ARHGEF3: variants seen among roughly 807,000 people sequenced by gnomAD.
The protein encoded by ARHGEF3 is 59.8 kDA protein.
In ARHGEF3, 28 loss-of-function variants were observed where a neutral mutation model predicts 63.2. The observed-to-expected ratio is 0.44, with a 90% CI of 0.33 to 0.61. The LOEUF is 0.61. Ranked by LOEUF, ARHGEF3 falls within the 20% of genes least tolerant of loss-of-function variation. ARHGEF3 has a pLI of 0.03. For missense variants in ARHGEF3, 533 were observed against 659.3 expected (o/e 0.81, Z 2.10); for synonymous variants, 266 against 254.2 (o/e 1.05, Z -0.44).
chr3:56,968,197 A>AATATATATATAAAT (rs1218725990), intron 2 of ARHGEF3, among the ~76,000 whole-genome samples: 1 of 16,002 alleles, frequency 6.2e-5, no homozygotes, highest in Non-Finnish European at 1.4e-4. Context: ...TATTATATAT[A>AATATATATATAAAT]ATATATAAAA....
At chr3:56,929,234 G>A (rs1560058779) in intron 3 of ARHGEF3, among the ~76,000 whole-genome samples, 1 of 152,272 alleles carries the variant, frequency 6.6e-6, no homozygotes, top group Admixed American at 6.5e-5. Context: ...ACTACAGAAG[G>A]ATTTGCACTA....
At chr3:56,908,447 G>A (rs2041763238) in intron 3 of ARHGEF3, among the ~76,000 whole-genome samples, 1 of 152,194 alleles carries the variant, frequency 6.6e-6, no homozygotes, top group South Asian at 2.1e-4. Context: ...GAGTGGAAAG[G>A]GGAGATCCAG....
intron 3 of ARHGEF3, among the ~76,000 whole-genome samples, chr3:56,936,736 T>C (rs1052361973): frequency 6.6e-6 from 1 of 152,206 alleles, no homozygotes; most frequent in Non-Finnish European, 1.5e-5. Context: ...ATGGGTTTTT[T>C]TGAGACAGGG....
chr3:56,733,847 G>A (rs1037108830), intron 8 of ARHGEF3, among the ~76,000 whole-genome samples: 15 of 151,880 alleles, frequency 9.9e-5, no homozygotes, highest in Admixed American at 2.0e-4. Flanking sequence ...AGCGAGGCGC[G>A]GTGGCAGGCG....
intron 4 of ARHGEF3, among the ~76,000 whole-genome samples, chr3:56,827,895 T>C (rs2108062098): frequency 8.0e-6 from 1 of 125,018 alleles, no homozygotes; most frequent in East Asian, 2.3e-4. Context: ...CACTGAGCCA[T>C]GATCATGCCA....
At chr3:57,053,067 C>T (rs1233364693) in intron 1 of ARHGEF3, among the ~76,000 whole-genome samples, 2 of 152,336 alleles carry the variant, frequency 1.3e-5, no homozygotes, top group South Asian at 2.1e-4. Context: ...ATTTAATCCT[C>T]GGCTTCATGC....
chr3:56,844,047 C>A (rs2039404734), intron 4 of ARHGEF3, among the ~76,000 whole-genome samples: 1 of 152,166 alleles, frequency 6.6e-6, no homozygotes, highest in African/African-American at 2.4e-5. Context: ...AGGTCACTGG[C>A]AAGATTCTGT....
chr3:56,971,473 T>C (rs1700908694), intron 2 of ARHGEF3, among the ~76,000 whole-genome samples: 1 of 152,134 alleles, frequency 6.6e-6, no homozygotes, highest in African/African-American at 2.4e-5. Flanking sequence ...ATGAACAGCA[T>C]TGAAGAGGAT....
At chr3:56,747,053 GCA>G (rs1380548546) in intron 6 of ARHGEF3, among the ~76,000 whole-genome samples, 235 of 131,498 alleles carry the variant, frequency 1.8e-3, no homozygotes, top group East Asian at 7.3e-3. Context: ...ATACATGCGC[GCA>G]CACACACACA....
At chr3:56,822,405 T>C (rs1051596492) in intron 4 of ARHGEF3, among the ~76,000 whole-genome samples, 1 of 152,142 alleles carries the variant, frequency 6.6e-6, no homozygotes, top group Non-Finnish European at 1.5e-5. Flanking sequence ...ATCCACTGCA[T>C]GAACACTGCA....
chr3:56,976,991 C>T (rs1701148879), intron 2 of ARHGEF3, among the ~76,000 whole-genome samples: 1 of 151,858 alleles, frequency 6.6e-6, no homozygotes, highest in African/African-American at 2.4e-5. Context: ...TATTTTCATA[C>T]TACTACTACT....
intron 1 of ARHGEF3, among the ~76,000 whole-genome samples, chr3:57,049,945 G>A (rs1457821713): frequency 6.6e-6 from 1 of 152,192 alleles, no homozygotes; most frequent in East Asian, 1.9e-4. Context: ...AGCAACAACT[G>A]CAGGGGCTGG....
chr3:56,861,121 G>A (rs2040058350), intron 4 of ARHGEF3, among the ~76,000 whole-genome samples: 1 of 152,234 alleles, frequency 6.6e-6, no homozygotes, highest in African/African-American at 2.4e-5. Context: ...TGTAAGACAA[G>A]TGTGATGATA....
chr3:56,921,812 G>A (rs542850068), intron 3 of ARHGEF3, among the ~76,000 whole-genome samples: 84 of 152,198 alleles, frequency 5.5e-4, no homozygotes, highest in Non-Finnish European at 8.8e-4. Context: ...AGCAGACCTG[G>A]CTGCTCAAGG....
In ARHGEF3 at chr3:56,737,315, T is replaced by C; in HGVS notation, c.911A>G (p.Lys304Arg). ...ATAGCGGCATTCAGATTCACCAGTC[T>C]TGGTGTTGATTTCTGCCACAATTCC... ...IQGIVAEINT[K>R]TGESECRYYK... Residue 304 changes from lysine (K) to arginine (R), a missense_variant, in exon 8 of 10, where the codon AAG (lysine) becomes AGG (arginine). Lys to Arg is a conservative substitution (Grantham distance 26, BLOSUM62 2). Transcript: ENST00000296315. The C allele has an allele frequency of 6.2e-7, 1 of 1,613,264 alleles. No individual in the cohort carries two copies.
chr3:56,789,020 A>ATGCTGCTGCTGC (rs34620976), intron 1 of ARHGEF3, among the ~76,000 whole-genome samples: 204 of 149,224 alleles, frequency 1.4e-3, no homozygotes, highest in African/African-American at 3.0e-3. Flanking sequence ...TTCAAGATAG[A>ATGCTGCTGCTGC]TGCTGCTGCT....
intron 3 of ARHGEF3, chr3:56,898,488 C>A: frequency 6.2e-6 from 1 of 161,870 alleles, no homozygotes; most frequent in Admixed American, 6.3e-5. Context: ...AGATTACAGG[C>A]ATGAGCCACA....
In ARHGEF3 at chr3:56,729,216, C is replaced by T; in HGVS notation, c.*54G>A. The T allele has an allele frequency of 6.7e-7, 1 of 1,491,338 alleles. No homozygotes were observed. The highest frequency in any genetic ancestry group is 1.8e-4 in the Middle Eastern group (1 of 5,560). The allele number at this position is 1,491,338 out of a possible 1,614,324, so 92.4% of individuals were successfully genotyped here. On this transcript the variant is annotated 3_prime_UTR_variant, in exon 10 of 10. Transcript: ENST00000296315. ...TCCAAACCGTTCCATCTGTGGAATG[C>T]AAATACTGTACAGGTAAGATGCAGG...
At chr3:56,906,333 C>T (rs180920644) in intron 3 of ARHGEF3, among the ~76,000 whole-genome samples, 1 of 152,174 alleles carries the variant, frequency 6.6e-6, no homozygotes, top group South Asian at 2.1e-4. Flanking sequence ...ACATTTCTGT[C>T]GTCACAAGAA....
Sources: gnomAD v4.1 joint callset for allele counts (sites outside exome capture counted in the v4.1 genomes callset) on GRCh38, gnomAD v4.1.1 for gene constraint, MANE v1.5 for transcripts, NCBI Gene and HGNC (gene_info 2026-07-23, HGNC 2026-07-21) for gene names.